Variants in ZNF277 observed in about 807,000 individuals in gnomAD.
ZNF277 encodes the protein nuclear receptor-interacting factor 4.
ZNF277 carries 55 observed loss-of-function variants against 60.7 expected under a neutral mutation model. That is an observed-to-expected ratio of 0.91 (90% confidence interval 0.73 to 1.13). The LOEUF (loss-of-function observed/expected upper bound fraction) is 1.13, where lower values mean the gene tolerates loss of function less well. ZNF277 is among the 50% of genes most tolerant of loss of function. ZNF277 has a pLI of 0.00. For synonymous variants in ZNF277, 178 were observed against 179.3 expected (o/e 0.99, Z 0.06); for missense variants, 510 against 523.0 (o/e 0.98, Z 0.24).
At chr7:112,335,993 A>C in intron 7 of ZNF277, 111 bp from the exon 8 acceptor site, 4 of 775,536 alleles carry the variant, frequency 5.2e-6, no homozygotes, top group Non-Finnish European at 8.2e-6. Context: ...AAACCATTTA[A>C]ACATGGGTGG....
intron 2 of ZNF277, among the ~76,000 whole-genome samples, chr7:112,293,112 T>G (rs1402383443): frequency 6.6e-6 from 1 of 152,168 alleles, no homozygotes; most frequent in Non-Finnish European, 1.5e-5. Context: ...TAAGTTCAGG[T>G]TCATACCTTT....
intron 4 of ZNF277, 25 bp downstream of exon 4, chr7:112,296,336 A>C (rs375210790): frequency 5.6e-5 from 73 of 1,309,120 alleles, no homozygotes; most frequent in Non-Finnish European, 7.2e-5. Context: ...TAAAGGGTGA[A>C]TAGTGTCTTG....
intron 4 of ZNF277, among the ~76,000 whole-genome samples, chr7:112,317,130 T>G (rs1383628367): frequency 2.0e-5 from 3 of 151,880 alleles, no homozygotes; most frequent in African/African-American, 7.3e-5. Flanking sequence ...GGAGGGAACA[T>G]CATACACCAA....
In ZNF277 at chr7:112,286,951, C is replaced by G. The variant is rs112848850; in HGVS notation, c.170C>G (p.Ser57Cys). 5.6e-6 allele frequency: 9 copies of G among 1,604,638 alleles called. No individual in the cohort carries two copies. The African/African-American group carries it at 1.2e-4, about 22-fold the overall frequency. Residue 57 changes from serine (S) to cysteine (C), a missense_variant, in exon 2 of 12, where the codon TCT (serine) becomes TGT (cysteine). Ser to Cys is a moderately radical substitution (Grantham distance 112). Coordinates refer to ENST00000361822, the MANE Select transcript of ZNF277 (RefSeq NM_021994.3). ...ACCACCACTTTAGAAGGTTCTCCATCTGTGCCTTGTATTTTCTGTGAAGAA... is the reference window on the plus strand; with the variant it reads ...ACCACCACTTTAGAAGGTTCTCCATGTGTGCCTTGTATTTTCTGTGAAGAA... ...GGTTTLEGSPSVPCIFCEEHF... is the reference protein window; with the variant it reads ...GGTTTLEGSPCVPCIFCEEHF...
intron 1 of ZNF277, among the ~76,000 whole-genome samples, chr7:112,242,532 A>C (rs1045053537): frequency 2.0e-5 from 3 of 149,878 alleles, no homozygotes; most frequent in African/African-American, 7.4e-5. Flanking sequence ...CAAATCAAGA[A>C]GTCAATCCCA....
chr7:112,287,017 T>A lies in ZNF277; in HGVS notation c.236T>A (p.Met79Lys). Residue 79 changes from methionine to lysine, a missense_variant, in exon 2 of 12, where the codon ATG (methionine) becomes AAG (lysine). Physicochemically the swap from Met to Lys is moderately conservative, Grantham distance 95 (BLOSUM62 -1). Transcript: ENST00000361822. ...GAACAAGACAAACTTCTGAAGCACATGATTATTGAGCATAAGATTGTCATA... is the reference window on the plus strand; with the variant it reads ...GAACAAGACAAACTTCTGAAGCACAAGATTATTGAGCATAAGATTGTCATA... ...VAEQDKLLKH[M>K]IIEHKIVIAD... The A allele has an allele frequency of 6.2e-7, 1 of 1,614,038 alleles. No individual in the cohort carries two copies. The highest frequency in any genetic ancestry group is 1.3e-5 in the African/African-American group (1 of 74,992).
At chr7:112,274,166 T>C (rs1035843702) in intron 1 of ZNF277, among the ~76,000 whole-genome samples, 12 of 152,022 alleles carry the variant, frequency 7.9e-5, no homozygotes, top group Non-Finnish European at 8.8e-5. Context: ...TCATTTTGCC[T>C]TTGTTTTTTG....
chr7:112,309,648 A>G (rs779586859), intron 4 of ZNF277, among the ~76,000 whole-genome samples: 40 of 151,834 alleles, frequency 2.6e-4, no homozygotes, highest in Non-Finnish European at 7.4e-5. Context: ...AATGACTCTG[A>G]CACCAGTTAC....
intron 1 of ZNF277, among the ~76,000 whole-genome samples, chr7:112,212,286 T>C (rs922713262): frequency 3.9e-4 from 59 of 152,252 alleles, no homozygotes; most frequent in Admixed American, 6.5e-4. Flanking sequence ...ACCAATTTTC[T>C]ACAGGCTGTC....
At chr7:112,316,323 G>T (rs762199462) in intron 4 of ZNF277, among the ~76,000 whole-genome samples, 2 of 151,848 alleles carry the variant, frequency 1.3e-5, no homozygotes, top group African/African-American at 2.4e-5. Flanking sequence ...GGGTTTGTTG[G>T]TTTTTTTCAT....
chr7:112,238,375 G>A (rs772385322), intron 1 of ZNF277, among the ~76,000 whole-genome samples: 1 of 152,172 alleles, frequency 6.6e-6, no homozygotes, highest in Non-Finnish European at 1.5e-5. Context: ...CTATAGCTAG[G>A]GGGAACCATC....
Position 112,263,560 on chromosome 7 carries a change from C to T in ZNF277, c.92-23313C>T, listed in dbSNP as rs565284701. ...GAGTAAAGCCCTTCAACTATGAAAG[C>T]CCCAGCTTTTGTAGCTTCAGATCAT... is the stretch of plus-strand genomic sequence containing the variant. On this transcript the variant is annotated intron_variant, in intron 1 of 11. Coordinates refer to ENST00000361822, the MANE Select transcript of ZNF277 (RefSeq NM_021994.3). 2.0e-5 allele frequency among the ~76,000 whole-genome samples: 3 copies of T among 152,258 alleles called. No homozygotes were observed. The South Asian group carries it at 6.2e-4, about 32-fold the overall frequency.
At chr7:112,315,947 G>A (rs1184345380) in intron 4 of ZNF277, among the ~76,000 whole-genome samples, 1 of 152,076 alleles carries the variant, frequency 6.6e-6, no homozygotes, top group African/African-American at 2.4e-5. Flanking sequence ...TTCTGAAGTT[G>A]TTTGTTCACT....
chr7:112,222,605 A>G (rs1230593390), intron 1 of ZNF277, among the ~76,000 whole-genome samples: 1 of 151,886 alleles, frequency 6.6e-6, no homozygotes, highest in East Asian at 1.9e-4. Flanking sequence ...GGGTTTGTCA[A>G]TTTTGTGTAT....
intron 1 of ZNF277, among the ~76,000 whole-genome samples, chr7:112,247,022 CTAA>C (rs773344250): frequency 5.9e-5 from 9 of 152,128 alleles, no homozygotes; most frequent in Non-Finnish European, 1.0e-4. Context: ...ACAAATTAAC[CTAA>C]TAATGCCACA....
At position 112,296,295 on chromosome 7, in the gene ZNF277, T is replaced by C; in HGVS notation, c.449T>C (p.Leu150Pro). The change falls in exon 4 of 12, where the codon CTT (leucine) becomes CCT (proline). Residue 150 changes from leucine to proline, a missense_variant. Coordinates refer to ENST00000361822, the MANE Select transcript of ZNF277 (RefSeq NM_021994.3). ...GAAGATAGAATTCTTAGAGAAGAGC[T>C]TCAGAAACAGAGACTGGTAAGAATT... ...LPEDRILREE[L>P]QKQRLREILE... 6.3e-7 allele frequency: 1 copy of C among 1,581,996 alleles called. No individual in the cohort carries two copies. The highest frequency in any genetic ancestry group is 1.8e-5 in the Admixed American group (1 of 54,428).
At chr7:112,278,780 T>G (rs958594801) in intron 1 of ZNF277, among the ~76,000 whole-genome samples, 1 of 152,184 alleles carries the variant, frequency 6.6e-6, no homozygotes, top group South Asian at 2.1e-4. Flanking sequence ...ATCTATCCTC[T>G]TCACAAATTT....
intron 1 of ZNF277, among the ~76,000 whole-genome samples, chr7:112,231,212 C>CAAA (rs11340888): frequency 3.0e-5 from 4 of 132,336 alleles, no homozygotes; most frequent in Non-Finnish European, 6.6e-5. Context: ...GACTCCGTCT[C>CAAA]AAAAAAAAAA....
chr7:112,242,210 C>A (rs1790973810), intron 1 of ZNF277, among the ~76,000 whole-genome samples: 1 of 151,858 alleles, frequency 6.6e-6, no homozygotes, highest in East Asian at 1.9e-4. Flanking sequence ...ATTCAGCATC[C>A]TTCATGATAA....
Sources: allele counts gnomAD v4.1 joint callset (sites outside exome capture counted in the v4.1 genomes callset), GRCh38; gene constraint gnomAD v4.1.1; transcripts MANE v1.5; gene names NCBI Gene and HGNC (gene_info 2026-07-23, HGNC 2026-07-21).